The following KAT6B variants were observed in gnomAD, a reference collection of about 807,000 sequenced individuals.
The protein encoded by KAT6B is lysine acetyltransferase 6B, also known as histone acetyltransferase KAT6B.
In KAT6B, 10 loss-of-function variants were observed where a neutral mutation model predicts 187.5. The ratio of observed to expected loss-of-function variants is 0.05; its 90% CI spans 0.03 to 0.09. The LOEUF is 0.09. Ranked by LOEUF, KAT6B falls within the 10% of genes least tolerant of loss-of-function variation. KAT6B has a pLI of 1.00. For synonymous variants in KAT6B, 861 were observed against 926.8 expected (o/e 0.93, Z 1.29); for missense variants, 1,952 against 2,558.9 (o/e 0.76, Z 5.12).
At chr10:75,018,413 T>C (rs1187021428) in intron 13 of KAT6B, among the ~76,000 whole-genome samples, 1 of 152,204 alleles carries the variant, frequency 6.6e-6, no homozygotes, top group African/African-American at 2.4e-5. Flanking sequence ...AAAAGGTTTA[T>C]GCCTAAATGC....
intron 3 of KAT6B, among the ~76,000 whole-genome samples, chr10:74,905,483 TCTG>T (rs1589591802): frequency 6.6e-6 from 1 of 152,294 alleles, no homozygotes; most frequent in East Asian, 1.9e-4. Context: ...ACCCTGGGCT[TCTG>T]CTGCCTTTTG....
At chr10:74,855,795 C>T (rs958420750) in intron 3 of KAT6B, among the ~76,000 whole-genome samples, 1 of 152,134 alleles carries the variant, frequency 6.6e-6, no homozygotes, top group Non-Finnish European at 1.5e-5. Flanking sequence ...ATTTCTTTCA[C>T]ATAGATTCAC....
intron 1 of KAT6B, among the ~76,000 whole-genome samples, chr10:74,833,141 A>AG (rs1346742567): frequency 2.6e-5 from 4 of 151,506 alleles, no homozygotes; most frequent in African/African-American, 9.7e-5. Flanking sequence ...TCTCAAAAAA[A>AG]AAAAAAAAAA....
chr10:74,977,254 T>C, intron 8 of KAT6B, 62 bp from the exon 9 acceptor site: 1 of 1,588,988 alleles, frequency 6.3e-7, no homozygotes, highest in Non-Finnish European at 8.6e-7. Context: ...ATTTTGGTAA[T>C]ATATGGTGGT....
At chr10:74,834,930 A>G (rs188990838) in intron 1 of KAT6B, among the ~76,000 whole-genome samples, 16 of 152,226 alleles carry the variant, frequency 1.1e-4, no homozygotes, top group African/African-American at 3.9e-4. Context: ...TTTCACTTTG[A>G]TTTCCTTCAT....
At chr10:74,976,873 G>T (rs1187959543) in intron 8 of KAT6B, 2 of 267,692 alleles carry the variant, frequency 7.5e-6, no homozygotes, top group African/African-American at 4.5e-5. Flanking sequence ...GGGAGAAAAC[G>T]GATTTCATAA....
chr10:74,861,507 C>T (rs1312355696), intron 3 of KAT6B, among the ~76,000 whole-genome samples: 1 of 152,108 alleles, frequency 6.6e-6, no homozygotes, highest in Non-Finnish European at 1.5e-5. Flanking sequence ...ATTCATTCTT[C>T]GTTTACAAAG....
rs1387004610 is a variant in KAT6B at position 75,031,120 on chromosome 10, C to T, written c.*74C>T. The T allele has an allele frequency of 2.6e-6, 4 of 1,534,142 alleles. No individual in the cohort carries two copies. The Admixed American group carries it at 5.5e-5, about 21-fold the overall frequency. ...TCTGCACAAATACCTTTGAAGAGTA[C>T]GATTTCAAAACCAGCAATTGGTGTG... On this transcript the variant is annotated 3_prime_UTR_variant, in exon 18 of 18. Coordinates refer to ENST00000287239, the MANE Select transcript of KAT6B (RefSeq NM_012330.4).
Position 75,031,879 on chromosome 10 carries a change from T to TA in KAT6B, c.*842dup, listed in dbSNP as rs1026565904. On this transcript the variant is annotated 3_prime_UTR_variant, in exon 18 of 18. Transcript: ENST00000287239. ...ATATGTCCAAATACTTGGCAGGATTTAAAAAAAAATAGTGAATTTGGTGTA... is the reference window on the plus strand; with the variant it reads ...ATATGTCCAAATACTTGGCAGGATTTAAAAAAAAAATAGTGAATTTGGTGTA... 2.1e-4 allele frequency: 40 copies of TA among 194,252 alleles called. No homozygotes were observed. The highest frequency in any genetic ancestry group is 8.6e-4 in the Admixed American group (14 of 16,322). 12.0% of individuals were successfully genotyped at this position (194,252 alleles called of 1,614,324 possible). A position where few individuals can be genotyped will look rare whatever the true frequency, so the allele number is the denominator to read the frequency against.
intron 1 of KAT6B, among the ~76,000 whole-genome samples, chr10:74,834,659 C>T (rs1841149104): frequency 6.6e-6 from 1 of 152,148 alleles, no homozygotes; most frequent in Non-Finnish European, 1.5e-5. Flanking sequence ...GTAGCTGGGT[C>T]TACAGGTGTA....
chr10:74,828,047 C>T (rs925750318), intron 1 of KAT6B, among the ~76,000 whole-genome samples: 1 of 152,088 alleles, frequency 6.6e-6, no homozygotes, highest in Non-Finnish European at 1.5e-5. Flanking sequence ...TGCACCATAC[C>T]TTGGGATAGG....
intron 13 of KAT6B, among the ~76,000 whole-genome samples, chr10:75,009,280 A>T (rs1357650558): frequency 6.6e-6 from 1 of 152,204 alleles, no homozygotes; most frequent in Non-Finnish European, 1.5e-5. Flanking sequence ...CAGCTAACAA[A>T]TTAAACTCCC....
chr10:74,835,372 C>T (rs1341039801), intron 1 of KAT6B, among the ~76,000 whole-genome samples: 3 of 152,200 alleles, frequency 2.0e-5, no homozygotes, highest in African/African-American at 7.2e-5. Flanking sequence ...CTTCTTCCTT[C>T]TGTAATCAGA....
intron 3 of KAT6B, among the ~76,000 whole-genome samples, chr10:74,866,394 T>C (rs1400939288): frequency 6.6e-6 from 1 of 152,038 alleles, no homozygotes; most frequent in Admixed American, 6.6e-5. Flanking sequence ...TAGACAGATA[T>C]AGATAAAGAT....
At chr10:75,009,495 A>G (rs1054833500) in intron 13 of KAT6B, among the ~76,000 whole-genome samples, 4 of 152,184 alleles carry the variant, frequency 2.6e-5, no homozygotes, top group African/African-American at 9.7e-5. Context: ...AAGCTCTGCT[A>G]ATATTAATGT....
Position 74,853,207 on chromosome 10 carries a change from C to T in KAT6B, c.621+9729C>T, listed in dbSNP as rs528904899. On this transcript the variant is annotated intron_variant, in intron 3 of 17. Coordinates refer to ENST00000287239, the MANE Select transcript of KAT6B (RefSeq NM_012330.4). ...ATGGCTCACTGCAGCCTCGACCTCC[C>T]GGGCTCAAGTGATCCTTGATCCTCC... is the stretch of plus-strand genomic sequence containing the variant. 4.5e-4 allele frequency among the ~76,000 whole-genome samples: 68 copies of T among 151,008 alleles called. 2 individuals carry two copies. In the South Asian group the frequency reaches 7.6e-3, roughly 17 times the overall value.
chr10:74,914,787 T>A (rs1847536537), intron 3 of KAT6B, among the ~76,000 whole-genome samples: 2 of 152,182 alleles, frequency 1.3e-5, no homozygotes, highest in African/African-American at 4.8e-5. Flanking sequence ...AAAGAAAATA[T>A]CTTTAAAAAT....
At position 74,847,675 on chromosome 10, in the gene KAT6B, A is replaced by AG. The variant is rs971019588; in HGVS notation, c.621+4197_621+4198insG. Among the ~76,000 whole-genome samples the AG allele has an allele frequency of 3.9e-4, 59 of 151,308 alleles. 1 individual carries two copies. Among genetic ancestry groups the AG allele is most frequent in the African/African-American group, 1.3e-3 (54 of 40,948 alleles). ...GCGAAACTCCATCTCAAAAAAAAAA[A>AG]TAAATAAATAAAATAGCATTTTTCC... is the stretch of plus-strand genomic sequence containing the variant. On this transcript the variant is annotated intron_variant, in intron 3 of 17. Coordinates refer to ENST00000287239, the MANE Select transcript of KAT6B (RefSeq NM_012330.4).
intron 3 of KAT6B, among the ~76,000 whole-genome samples, chr10:74,942,880 A>G (rs906654167): frequency 4.0e-5 from 6 of 151,468 alleles, no homozygotes; most frequent in Admixed American, 3.3e-4. Flanking sequence ...CCCTTTCATC[A>G]TTTCTATTCA....
Sources: allele counts gnomAD v4.1 joint callset (sites outside exome capture counted in the v4.1 genomes callset), GRCh38; gene constraint gnomAD v4.1.1; transcripts MANE v1.5; gene names NCBI Gene and HGNC (gene_info 2026-07-23, HGNC 2026-07-21).